CXCL13: variants seen among roughly 807,000 people sequenced by gnomAD.
CXCL13 encodes C-X-C motif chemokine 13.
A neutral mutation model predicts 12.2 loss-of-function variants in CXCL13; 7 were observed. The observed-to-expected ratio is 0.57, with a 90% CI of 0.33 to 1.07. The LOEUF is 1.07. Among genes scored for constraint, CXCL13 ranks in the 50% least tolerant of loss-of-function variants. The probability of loss-of-function intolerance (pLI) is 0.04; values close to 1 mark genes in which losing one functional copy is unlikely to be tolerated. For missense variants in CXCL13, 113 were observed against 127.4 expected (o/e 0.89, Z 0.55); for synonymous variants, 47 against 42.4 (o/e 1.11, Z -0.42).
At chr4:77,587,069 C>G (rs1726491474) in intron 1 of CXCL13, among the ~76,000 whole-genome samples, 1 of 152,148 alleles carries the variant, frequency 6.6e-6, no homozygotes, top group Non-Finnish European at 1.5e-5. Context: ...ACTCAGGAAC[C>G]TAGTATTGAA....
intron 1 of CXCL13, 117 bp downstream of exon 1, chr4:77,606,046 C>A: frequency 1.9e-6 from 1 of 528,956 alleles, no homozygotes; most frequent in East Asian, 3.1e-5. Flanking sequence ...AAAAACTGCT[C>A]TGTTCCTTCT....
At chr4:77,574,838 T>C (rs1292790138) in intron 1 of CXCL13, among the ~76,000 whole-genome samples, 1 of 152,070 alleles carries the variant, frequency 6.6e-6, no homozygotes, top group Non-Finnish European at 1.5e-5. Context: ...GATCAAATAT[T>C]TTTTAAAGGG....
intron 1 of CXCL13, among the ~76,000 whole-genome samples, chr4:77,534,117 T>C (rs1724998298): frequency 6.6e-6 from 1 of 152,232 alleles, no homozygotes; most frequent in Non-Finnish European, 1.5e-5. Flanking sequence ...ACCCGTCTTC[T>C]GCGTTGCTCA....
At position 77,528,395 on chromosome 4, in the gene CXCL13, C is replaced by G. The variant is rs1311720865; in HGVS notation, c.-43+16607C>G. Among the ~76,000 whole-genome samples, 3 of 152,218 alleles carry G rather than the reference C, an allele frequency of 2.0e-5. No homozygotes were observed. The East Asian group carries it at 5.8e-4, about 29-fold the overall frequency. The stretch of plus-strand genomic sequence containing the variant: ...TTGAACTAGTTTACAATCCCACCAA[C>G]AGTGTAAAAGTGTTCCTATTTCTCC... On this transcript the variant is annotated intron_variant, in intron 1 of 4. Coordinates refer to the CXCL13 transcript ENST00000286758.
intron 1 of CXCL13, among the ~76,000 whole-genome samples, chr4:77,575,629 T>C (rs1193368860): frequency 6.6e-6 from 1 of 151,868 alleles, no homozygotes; most frequent in Non-Finnish European, 1.5e-5. Flanking sequence ...CATGAATGCA[T>C]CTTTTTTTAT....
At chr4:77,572,406 GA>G (rs1383751835) in intron 1 of CXCL13, among the ~76,000 whole-genome samples, 2 of 150,738 alleles carry the variant, frequency 1.3e-5, no homozygotes, top group Non-Finnish European at 3.0e-5. Flanking sequence ...GTCTCAAAAA[GA>G]AAAAAAATAG....
intron 1 of CXCL13, among the ~76,000 whole-genome samples, chr4:77,530,451 A>G (rs1724882162): frequency 6.6e-6 from 1 of 152,144 alleles, no homozygotes; most frequent in South Asian, 2.1e-4. Context: ...CATCAATTTC[A>G]GAGCCTGTTA....
At chr4:77,555,181 C>G (rs146803124) in intron 1 of CXCL13, among the ~76,000 whole-genome samples, 2 of 150,636 alleles carry the variant, frequency 1.3e-5, no homozygotes, top group Admixed American at 6.6e-5. Context: ...CTAATTAGAC[C>G]AAGAAAAAAA....
chr4:77,559,618 A>G lies in CXCL13; in HGVS notation c.-42-46206A>G, dbSNP rs555485920. On this transcript the variant is annotated intron_variant, in intron 1 of 4. Transcript: ENST00000286758. ...GTGTGTGTGTGTGTGTGTGATTGAA[A>G]GTAAAGTAAAACCTGACACTCTGGC... Among the ~76,000 whole-genome samples the G allele has an allele frequency of 3.3e-5, 5 of 150,962 alleles. No homozygotes were observed. The South Asian group carries it at 1.0e-3, about 32-fold the overall frequency.
intron 1 of CXCL13, among the ~76,000 whole-genome samples, chr4:77,588,205 C>T (rs370733677): frequency 2.6e-5 from 4 of 152,226 alleles, no homozygotes; most frequent in South Asian, 4.1e-4. Flanking sequence ...GCCATCCCCC[C>T]GTTCTCACCA....
intron 1 of CXCL13, among the ~76,000 whole-genome samples, chr4:77,547,655 A>G (rs898449147): frequency 7.9e-5 from 12 of 152,104 alleles, no homozygotes; most frequent in Non-Finnish European, 1.6e-4. Flanking sequence ...TTTCCTGAAT[A>G]CAGCACACTG....
At chr4:77,524,804 A>G (rs1724720764) in intron 1 of CXCL13, among the ~76,000 whole-genome samples, 1 of 152,202 alleles carries the variant, frequency 6.6e-6, no homozygotes, top group African/African-American at 2.4e-5. Context: ...TTCTGCATTG[A>G]TAGTGCTGGG....
At chr4:77,531,128 A>ATTATTT (rs1553914595) in intron 1 of CXCL13, among the ~76,000 whole-genome samples, 31 of 146,994 alleles carry the variant, frequency 2.1e-4, no homozygotes, top group East Asian at 5.9e-4. Flanking sequence ...TATTATTATT[A>ATTATTT]TTATCATTAT....
At chr4:77,562,326 G>A (rs570855089) in intron 1 of CXCL13, among the ~76,000 whole-genome samples, 10 of 152,062 alleles carry the variant, frequency 6.6e-5, no homozygotes, top group East Asian at 3.9e-4. Flanking sequence ...TGAGGAGTGC[G>A]GGCACAAGGC....
At chr4:77,574,635 G>A (rs1726163411) in intron 1 of CXCL13, among the ~76,000 whole-genome samples, 1 of 151,848 alleles carries the variant, frequency 6.6e-6, no homozygotes, top group Non-Finnish European at 1.5e-5. Flanking sequence ...ACAGAAAATG[G>A]AGATGGGCTG....
intron 1 of CXCL13, among the ~76,000 whole-genome samples, chr4:77,585,165 C>T (rs1052943393): frequency 6.6e-6 from 1 of 152,150 alleles, no homozygotes; most frequent in African/African-American, 2.4e-5. Context: ...CAGGCTTTAT[C>T]AAAGCTGTTT....
intron 1 of CXCL13, among the ~76,000 whole-genome samples, chr4:77,519,667 C>G (rs1043332000): frequency 9.2e-5 from 14 of 152,170 alleles, no homozygotes; most frequent in Admixed American, 6.5e-4. Context: ...TGTAGGTTGC[C>G]TGTTCACTGT....
chr4:77,515,180 A>G (rs1255455331), intron 1 of CXCL13, among the ~76,000 whole-genome samples: 1 of 152,166 alleles, frequency 6.6e-6, no homozygotes, highest in East Asian at 1.9e-4. Context: ...CTGTTTTAGT[A>G]CCAGTGCCAT....
chr4:77,526,912 C>T (rs1724781249), intron 1 of CXCL13, among the ~76,000 whole-genome samples: 1 of 152,114 alleles, frequency 6.6e-6, no homozygotes, highest in African/African-American at 2.4e-5. Flanking sequence ...CCTGGTTAAA[C>T]AAGAAGAGTT....
Sources: gnomAD v4.1 joint callset for allele counts (sites outside exome capture counted in the v4.1 genomes callset) on GRCh38, gnomAD v4.1.1 for gene constraint, MANE v1.5 for transcripts, NCBI Gene and HGNC (gene_info 2026-07-23, HGNC 2026-07-21) for gene names.